WDPCP: variants seen among roughly 807,000 people sequenced by gnomAD.
WDPCP encodes the protein WD repeat-containing and planar cell polarity effector protein fritz homolog.
WDPCP carries 71 observed loss-of-function variants against 93.1 expected under a neutral mutation model. The ratio of observed to expected loss-of-function variants is 0.76; its 90% confidence interval spans 0.63 to 0.93. WDPCP has a LOEUF of 0.93. WDPCP is among the 40% of genes least tolerant of loss of function. The probability of loss-of-function intolerance (pLI) is 0.00; values close to 1 mark genes in which losing one functional copy is unlikely to be tolerated. For synonymous variants in WDPCP, 315 were observed against 315.0 expected, an observed-to-expected ratio of 1.00 and a Z score of 0.00; for missense variants, 844 against 887.4, an observed-to-expected ratio of 0.95 and a Z score of 0.62.
intron 6 of WDPCP, among the ~76,000 whole-genome samples, chr2:63,470,060 T>C (rs1699604033): frequency 6.6e-6 from 1 of 152,216 alleles, no homozygotes. Context: ...CATTGTGCTC[T>C]ACTTCTCTAG....
chr2:63,648,808 A>T (rs186032939), intron 3 of WDPCP, among the ~76,000 whole-genome samples: 6 of 152,324 alleles, frequency 3.9e-5, no homozygotes, highest in African/African-American at 1.4e-4. Context: ...AGAAAGAATG[A>T]CTACCTTCTT....
chr2:63,440,551 A>T (rs1697442469), intron 6 of WDPCP: 2 of 152,384 alleles, frequency 1.3e-5, no homozygotes, highest in South Asian at 2.1e-4. Context: ...ACAAAAGATG[A>T]TTGGATATCA....
At chr2:63,447,516 A>G (rs1018744609) in intron 6 of WDPCP, among the ~76,000 whole-genome samples, 4 of 152,184 alleles carry the variant, frequency 2.6e-5, no homozygotes, top group Non-Finnish European at 5.9e-5. Flanking sequence ...AAATGCACTA[A>G]GAGTTGTTCC....
At chr2:63,719,268 G>A (rs1669381865) in intron 2 of WDPCP, among the ~76,000 whole-genome samples, 1 of 152,180 alleles carries the variant, frequency 6.6e-6, no homozygotes. Flanking sequence ...TACTTAGAAT[G>A]AGTTATAGCC....
chr2:63,282,417 A>T (rs1683635113), intron 13 of WDPCP, among the ~76,000 whole-genome samples: 1 of 152,188 alleles, frequency 6.6e-6, no homozygotes, highest in Non-Finnish European at 1.5e-5. Context: ...AGGCAAGAGA[A>T]TTGCTTGAAC....
At chr2:63,313,624 C>T (rs1686357914) in intron 12 of WDPCP, among the ~76,000 whole-genome samples, 1 of 151,866 alleles carries the variant, frequency 6.6e-6, no homozygotes, top group Non-Finnish European at 1.5e-5. Context: ...CCTATATTTG[C>T]CTGAATCCCT....
At chr2:63,458,072 C>T (rs1384289986) in intron 6 of WDPCP, among the ~76,000 whole-genome samples, 3 of 149,474 alleles carry the variant, frequency 2.0e-5, no homozygotes, top group South Asian at 2.1e-4. Flanking sequence ...TGCAGTAAGC[C>T]GAGATCGCAC....
chr2:63,498,547 A>G (rs1033942061), intron 1 of WDPCP, among the ~76,000 whole-genome samples: 2 of 152,218 alleles, frequency 1.3e-5, no homozygotes, highest in Admixed American at 1.3e-4. Flanking sequence ...AAATTTTGAG[A>G]AAGTAACATG....
chr2:63,543,166 T>C (rs1241378376), intron 1 of WDPCP, among the ~76,000 whole-genome samples: 1 of 152,184 alleles, frequency 6.6e-6, no homozygotes, highest in Non-Finnish European at 1.5e-5. Flanking sequence ...ATATCCTATA[T>C]TGTTTCACTA....
chr2:63,628,688 T>G (rs1453775692), intron 3 of WDPCP, among the ~76,000 whole-genome samples: 1 of 152,230 alleles, frequency 6.6e-6, no homozygotes, highest in East Asian at 1.9e-4. Flanking sequence ...TTTGACATCT[T>G]GGTATGTGGC....
intron 2 of WDPCP, among the ~76,000 whole-genome samples, chr2:63,662,082 A>G (rs114818163): frequency 6.6e-6 from 1 of 152,182 alleles, no homozygotes; most frequent in Non-Finnish European, 1.5e-5. Context: ...TAATCTTTTC[A>G]TGTTAAATAC....
chr2:63,468,666 T>C (rs1389336260), intron 6 of WDPCP, among the ~76,000 whole-genome samples: 1 of 152,148 alleles, frequency 6.6e-6, no homozygotes, highest in Non-Finnish European at 1.5e-5. Context: ...AGCATCTCCA[T>C]GATGTCATCA....
At chr2:63,825,876 G>C (rs1226475427) in intron 1 of WDPCP, among the ~76,000 whole-genome samples, 1 of 152,028 alleles carries the variant, frequency 6.6e-6, no homozygotes, top group Non-Finnish European at 1.5e-5. Flanking sequence ...ATATCCAGGA[G>C]GAGAATTGGA....
At chr2:63,582,559 C>T (rs568513892) in intron 1 of WDPCP, among the ~76,000 whole-genome samples, 14 of 152,054 alleles carry the variant, frequency 9.2e-5, no homozygotes, top group African/African-American at 3.4e-4. Flanking sequence ...CCTATGGATC[C>T]AAGAAGCTCC....
intron 14 of WDPCP, among the ~76,000 whole-genome samples, chr2:63,251,236 A>G (rs1481636371): frequency 6.6e-6 from 1 of 152,166 alleles, no homozygotes; most frequent in Non-Finnish European, 1.5e-5. Flanking sequence ...TTGATAACAA[A>G]GGAAAAAAGG....
chr2:63,368,256 C>T (rs1334015962), intron 12 of WDPCP, among the ~76,000 whole-genome samples: 1 of 151,908 alleles, frequency 6.6e-6, no homozygotes, highest in Non-Finnish European at 1.5e-5. Context: ...AAGATTACAT[C>T]ACCTGTCAAT....
chr2:63,127,207 C>T (rs779682603), intron 17 of WDPCP, among the ~76,000 whole-genome samples: 19 of 150,398 alleles, frequency 1.3e-4, no homozygotes, highest in African/African-American at 3.7e-4. Context: ...CTGCAGTCTC[C>T]GCCTCCAAGG....
intron 14 of WDPCP, among the ~76,000 whole-genome samples, chr2:63,242,805 T>C (rs1246637492): frequency 6.6e-6 from 1 of 152,128 alleles, no homozygotes; most frequent in Non-Finnish European, 1.5e-5. Context: ...ACAGAAGTGA[T>C]ATGTAACAAC....
intron 17 of WDPCP, among the ~76,000 whole-genome samples, chr2:63,138,901 C>T (rs1330480094): frequency 6.6e-6 from 1 of 152,022 alleles, no homozygotes; most frequent in Non-Finnish European, 1.5e-5. Context: ...CATTCTTATA[C>T]CTTTGTGTCC....
Sources: gnomAD v4.1 joint callset for allele counts (sites outside exome capture counted in the v4.1 genomes callset) on GRCh38, gnomAD v4.1.1 for gene constraint, MANE v1.5 for transcripts, NCBI Gene and HGNC (gene_info 2026-07-23, HGNC 2026-07-21) for gene names.